The following SLC6A13 variants were observed in gnomAD, a reference collection of about 807,000 sequenced individuals.
SLC6A13 encodes the protein sodium- and chloride-dependent GABA transporter 2.
A neutral mutation model predicts 72.9 loss-of-function variants in SLC6A13; 69 were observed. The ratio of observed to expected loss-of-function variants is 0.95; its 90% CI spans 0.78 to 1.16. SLC6A13 has a LOEUF of 1.16. Among genes scored for constraint, SLC6A13 ranks in the 50% most tolerant of loss-of-function variants. The probability of loss-of-function intolerance (pLI) is 0.00; values close to 1 mark genes in which losing one functional copy is unlikely to be tolerated. For synonymous variants in SLC6A13, 303 were observed against 303.0 expected (o/e 1.00, Z 0.00); for missense variants, 735 against 760.5 (o/e 0.97, Z 0.39).
At chr12:238,605 G>T (rs966029438) in intron 4 of SLC6A13, among the ~76,000 whole-genome samples, 8 of 152,196 alleles carry the variant, frequency 5.3e-5, no homozygotes, top group Non-Finnish European at 2.9e-5. Flanking sequence ...TGTGACTTTG[G>T]AGTTTTACAA....
At chr12:259,636 T>C in intron 2 of SLC6A13, 1 of 1,430,436 alleles carries the variant, frequency 7.0e-7, no homozygotes, top group Non-Finnish European at 9.1e-7. Flanking sequence ...CTCATATTTC[T>C]ACGATGCCAC....
In SLC6A13 at chr12:237,286, G is replaced by C; in HGVS notation, c.568C>G (p.Arg190Gly). ...ATCCCATCAGAGATCTTCAAGACCC[G>C]CCGCCTGGGGAGAGAAGGGTTGAAC... ...TSPVIEFWER[R>G]VLKISDGIQH... is the part of the protein sequence containing the mutation. The change falls in exon 6 of 15, where the codon CGG becomes GGG. Residue 190 changes from arginine (R) to glycine (G), a missense_variant. By Grantham distance (125) the Arg-to-Gly change is moderately radical. Transcript: ENST00000343164. 6.2e-7 allele frequency: 1 copy of C among 1,614,104 alleles called. No individual in the cohort carries two copies. Among genetic ancestry groups the C allele is most frequent in the Non-Finnish European group, 8.5e-7 (1 of 1,179,956 alleles).
chr12:233,254 G>C (rs1309183806), intron 7 of SLC6A13, among the ~76,000 whole-genome samples: 4 of 152,178 alleles, frequency 2.6e-5, no homozygotes, highest in Non-Finnish European at 5.9e-5. Flanking sequence ...CTCTGGGGCG[G>C]AGCTTACCCA....
chr12:226,641 G>T, intron 8 of SLC6A13, 127 bp from the exon 9 acceptor site: 1 of 1,213,246 alleles, frequency 8.2e-7, no homozygotes, highest in Non-Finnish European at 1.1e-6. Flanking sequence ...ACGGACGCCG[G>T]AGCAGGGCTA....
chr12:232,109 A>G (rs1446834063), intron 7 of SLC6A13, among the ~76,000 whole-genome samples: 1 of 152,200 alleles, frequency 6.6e-6, no homozygotes, highest in Non-Finnish European at 1.5e-5. Flanking sequence ...CCTCTTAACA[A>G]TGTCAGGGAC....
At chr12:239,498 TC>T (rs1167653160) in intron 4 of SLC6A13, among the ~76,000 whole-genome samples, 2 of 152,198 alleles carry the variant, frequency 1.3e-5, no homozygotes, top group African/African-American at 4.8e-5. Flanking sequence ...GTAAGGCCTT[TC>T]CTGACCATGC....
intron 3 of SLC6A13, among the ~76,000 whole-genome samples, chr12:243,117 C>A (rs761555086): frequency 1.7e-4 from 26 of 151,628 alleles, no homozygotes; most frequent in Non-Finnish European, 3.4e-4. Context: ...TCAAGAGATT[C>A]TCCTGCCTCA....
intron 9 of SLC6A13, among the ~76,000 whole-genome samples, chr12:226,003 T>C (rs1423997382): frequency 1.3e-5 from 2 of 152,210 alleles, no homozygotes; most frequent in East Asian, 1.9e-4. Flanking sequence ...GAAGAGTGTG[T>C]ATAATATGTT....
Position 254,421 on chromosome 12 carries a change from C to A in SLC6A13, c.202+5430G>T, listed in dbSNP as rs1015867548. Among the ~76,000 whole-genome samples, 1 of 152,232 alleles carries A rather than the reference C, an allele frequency of 6.6e-6. No homozygotes were observed. The highest frequency in any genetic ancestry group is 1.9e-4 in the East Asian group (1 of 5,196). ...CATTTCAATCAGTCATTGTCCCCAG[C>A]CCTCCACTGTAACCGCTCTTATCAT... On this transcript the variant is annotated intron_variant, in intron 2 of 14. Transcript: ENST00000343164. The surrounding 1 kb of genome is among the most constrained non-coding windows in gnomAD (Gnocchi z 4.4).
chr12:235,144 G>T lies in SLC6A13; in HGVS notation c.777C>A (p.Ala259=), dbSNP rs151227550. 5 of 1,614,084 alleles carry T rather than the reference G, an allele frequency of 3.1e-6. No homozygotes were observed. The highest frequency in any genetic ancestry group is 4.5e-5 in the East Asian group (2 of 44,890). Residue 259 remains alanine, a synonymous_variant, in exon 7 of 15, where the codon GCC becomes GCA. Coordinates refer to ENST00000343164, the MANE Select transcript of SLC6A13 (RefSeq NM_016615.5). ...LIRGVTLPGA[A]QGIQFYLYPN... is the part of the protein sequence containing the mutation. The stretch of plus-strand genomic sequence containing the variant: ...GGTACAGGTAAAACTGAATTCCTTG[G>T]GCTGCCCCAGGCAACGTCACCCCTC...
At position 220,796 on chromosome 12, in the gene SLC6A13, G is replaced by A; in HGVS notation, c.*152C>T. 1.2e-6 allele frequency: 1 copy of A among 849,678 alleles called. No homozygotes were observed. The highest frequency in any genetic ancestry group is 1.8e-6 in the Non-Finnish European group (1 of 561,240). 52.6% of individuals were successfully genotyped at this position (849,678 alleles called of 1,614,324 possible). ...CTGAGCTGAAAAGTTGCAGTGGGAG[G>A]CCTCCAGCTCAGCAGGTGGACTCCA... On this transcript the variant is annotated 3_prime_UTR_variant, in exon 15 of 15. Transcript: ENST00000343164.
chr12:220,959 A>C lies in SLC6A13; in HGVS notation c.1798T>G (p.Ser600Ala). The C allele has an allele frequency of 6.2e-7, 1 of 1,612,584 alleles. No individual in the cohort carries two copies. The highest frequency in any genetic ancestry group is 8.5e-7 in the Non-Finnish European group (1 of 1,179,884). The change falls in exon 15 of 15, where the codon TCT (serine) becomes GCT (alanine). Residue 600 changes from serine to alanine, a missense_variant. Ser to Ala is a moderately conservative substitution (Grantham distance 99, BLOSUM62 1). Transcript: ENST00000343164. The part of the protein sequence containing the change: ...TSLLRLTELE[S>A]HC ...CAAGGGCCTGCCCCCTAGCAGTGAG[A>C]CTCTAGCTCTGTGAGTCTGAGCAGT...
chr12:247,912 G>A (rs1565504731), intron 2 of SLC6A13, among the ~76,000 whole-genome samples: 1 of 152,042 alleles, frequency 6.6e-6, no homozygotes, highest in East Asian at 1.9e-4. Flanking sequence ...AGTTAAAGAT[G>A]TATACTACAA....
Position 259,929 on chromosome 12 carries a change from C to A in SLC6A13, c.124G>T (p.Val42Leu). 1 of 1,614,230 alleles carries A rather than the reference C, an allele frequency of 6.2e-7. No homozygotes were observed. Among genetic ancestry groups the A allele is most frequent in the Non-Finnish European group, 8.5e-7 (1 of 1,180,024 alleles). The change falls in exon 2 of 15, where the codon GTG (valine) becomes TTG (leucine). Residue 42 changes from valine (V) to leucine (L), a missense_variant. Physicochemically the swap from Val to Leu is conservative, Grantham distance 32. Coordinates refer to ENST00000343164, the MANE Select transcript of SLC6A13 (RefSeq NM_016615.5). ...RGHWNNKMEFVLSVAGEIIGL... is the reference protein window; with the variant it reads ...RGHWNNKMEFLLSVAGEIIGL... ...ATGATCTCCCCAGCCACTGACAGCA[C>A]AAACTCCATCTTGTTGTTCCAGTGC...
intron 2 of SLC6A13, among the ~76,000 whole-genome samples, chr12:247,298 C>A (rs77447187): frequency 6.6e-6 from 1 of 150,654 alleles, no homozygotes; most frequent in Admixed American, 6.6e-5. Context: ...TTACTTAAAC[C>A]GGAATATGGA....
intron 2 of SLC6A13, chr12:253,422 T>C (rs1344390102): frequency 1.3e-5 from 2 of 152,278 alleles, no homozygotes; most frequent in African/African-American, 2.4e-5. Flanking sequence ...ACCATTACTT[T>C]TATATGAACA....
chr12:262,662 C>T, intron 1 of SLC6A13, 127 bp downstream of exon 1: 1 of 984,426 alleles, frequency 1.0e-6, no homozygotes, highest in Non-Finnish European at 1.2e-6. Context: ...TGCACACATA[C>T]ATGTCAGAAG....
chr12:221,266 C>T (rs370950885), intron 14 of SLC6A13, 110 bp downstream of exon 14: 1 of 1,321,364 alleles, frequency 7.6e-7, no homozygotes, highest in South Asian at 1.5e-5. Context: ...CCAGGCTGGG[C>T]CCACTGGCAC....
At chr12:262,077 T>C (rs985437500) in intron 1 of SLC6A13, among the ~76,000 whole-genome samples, 1 of 152,192 alleles carries the variant, frequency 6.6e-6, no homozygotes, top group Non-Finnish European at 1.5e-5. Flanking sequence ...TCTAAGGTAC[T>C]GACTGTGCTG....
Sources: gnomAD v4.1 joint callset for allele counts (sites outside exome capture counted in the v4.1 genomes callset) on GRCh38, gnomAD v4.1.1 for gene constraint, Gnocchi (gnomAD v3.1) non-coding constraint, MANE v1.5 for transcripts, NCBI Gene and HGNC (gene_info 2026-07-23, HGNC 2026-07-21) for gene names.